DCC: variants seen among roughly 807,000 people sequenced by gnomAD.
DCC encodes the protein DCC netrin 1 receptor.
Under a neutral mutation model 172.5 loss-of-function variants are expected in DCC, and 58 were observed. That is an observed-to-expected ratio of 0.34 (90% CI 0.27 to 0.42). The LOEUF is 0.42. Among genes scored for constraint, DCC ranks in the 10% least tolerant of loss-of-function variants. DCC has a pLI of 1.00. For synonymous variants in DCC, 709 were observed against 644.5 expected (o/e 1.10, Z -1.52); for missense variants, 1,740 against 1,791.0 (o/e 0.97, Z 0.51).
At chr18:53,522,349 C>T (rs1247670711) in intron 27 of DCC, among the ~76,000 whole-genome samples, 1 of 151,742 alleles carries the variant, frequency 6.6e-6, no homozygotes, top group Non-Finnish European at 1.5e-5. Flanking sequence ...CCTGACATTA[C>T]AGTCCCTGTA....
chr18:52,569,681 C>A (rs576528482), intron 1 of DCC, among the ~76,000 whole-genome samples: 7 of 152,102 alleles, frequency 4.6e-5, no homozygotes, highest in Middle Eastern at 3.4e-3. Context: ...ACAATTCTGG[C>A]ATTATGCTAA....
At chr18:52,882,718 G>A (rs1019269643) in intron 2 of DCC, among the ~76,000 whole-genome samples, 10 of 152,214 alleles carry the variant, frequency 6.6e-5, no homozygotes, top group African/African-American at 2.4e-4. Context: ...CTGAGGAGAA[G>A]AATTTGTATT....
At chr18:52,859,279 C>T (rs550317788) in intron 2 of DCC, among the ~76,000 whole-genome samples, 2 of 152,218 alleles carry the variant, frequency 1.3e-5, no homozygotes, top group South Asian at 4.1e-4. Context: ...GTGGATTGAT[C>T]CTGTAGAGGC....
chr18:52,671,433 G>T (rs1481385675), intron 1 of DCC, among the ~76,000 whole-genome samples: 3 of 150,794 alleles, frequency 2.0e-5, no homozygotes, highest in Non-Finnish European at 4.4e-5. Flanking sequence ...TTTCCAATAT[G>T]CCTTTAAAAA....
At chr18:53,158,269 A>G (rs1272010251) in intron 8 of DCC, among the ~76,000 whole-genome samples, 1 of 152,234 alleles carries the variant, frequency 6.6e-6, no homozygotes, top group Non-Finnish European at 1.5e-5. Context: ...GGATATTACT[A>G]TTGACTAAGC....
intron 21 of DCC, among the ~76,000 whole-genome samples, chr18:53,423,444 G>A (rs1323152164): frequency 6.6e-6 from 1 of 152,064 alleles, no homozygotes; most frequent in Non-Finnish European, 1.5e-5. Context: ...CTTTCCTGGT[G>A]TCATGGCCAA....
At chr18:52,974,603 G>C (rs1302618542) in intron 5 of DCC, among the ~76,000 whole-genome samples, 1 of 152,210 alleles carries the variant, frequency 6.6e-6, no homozygotes, top group African/African-American at 2.4e-5. Context: ...GAGGCTCTGA[G>C]AATATATGAG....
At chr18:53,352,511 C>T (rs193181814) in intron 15 of DCC, among the ~76,000 whole-genome samples, 9 of 152,206 alleles carry the variant, frequency 5.9e-5, no homozygotes, top group Non-Finnish European at 1.2e-4. Flanking sequence ...GATGTTAGTG[C>T]ATCCACTCCA....
chr18:52,897,071 G>A (rs1303938812), intron 2 of DCC, among the ~76,000 whole-genome samples: 2 of 152,142 alleles, frequency 1.3e-5, no homozygotes, highest in African/African-American at 4.8e-5. Context: ...AATGCTCTTA[G>A]GTGAGATTAT....
intron 5 of DCC, among the ~76,000 whole-genome samples, chr18:52,991,262 A>T (rs899300917): frequency 1.3e-5 from 2 of 152,080 alleles, no homozygotes; most frequent in East Asian, 1.9e-4. Context: ...TTTTAAATTT[A>T]TCTTTTTTTG....
chr18:53,243,057 G>A (rs376368653), intron 12 of DCC, among the ~76,000 whole-genome samples: 13 of 152,170 alleles, frequency 8.5e-5, no homozygotes, highest in South Asian at 8.3e-4. Flanking sequence ...TTAACATGTT[G>A]AACTGATGTG....
At chr18:53,390,431 A>G (rs145697956) in intron 16 of DCC, among the ~76,000 whole-genome samples, 305 of 152,254 alleles carry the variant, frequency 2.0e-3, no homozygotes, top group Non-Finnish European at 3.2e-3. Flanking sequence ...CAGTCACTCC[A>G]CTTTAAACTA....
chr18:52,704,005 C>T (rs1478838812), intron 1 of DCC, among the ~76,000 whole-genome samples: 1 of 151,916 alleles, frequency 6.6e-6, no homozygotes, highest in Non-Finnish European at 1.5e-5. Flanking sequence ...TATTCTTATG[C>T]TGGGTCTCAG....
intron 2 of DCC, among the ~76,000 whole-genome samples, chr18:52,769,854 A>G (rs779345772): frequency 5.3e-5 from 8 of 152,230 alleles, no homozygotes; most frequent in Non-Finnish European, 1.0e-4. Flanking sequence ...GTCTTTCACC[A>G]TAATACTGTC....
At chr18:53,343,493 A>G (rs1226751860) in intron 15 of DCC, among the ~76,000 whole-genome samples, 1 of 151,854 alleles carries the variant, frequency 6.6e-6, no homozygotes, top group African/African-American at 2.4e-5. Context: ...TGAATTTCCT[A>G]TATAAATCCT....
At chr18:53,529,038 T>TCTCTCTCTCACA (rs1203799842) in intron 28 of DCC, among the ~76,000 whole-genome samples, 6 of 65,266 alleles carry the variant, frequency 9.2e-5, no homozygotes, top group Non-Finnish European at 1.2e-4. Context: ...TCTCTCTCTC[T>TCTCTCTCTCACA]CACACACACA....
At chr18:52,778,131 G>A (rs1352721143) in intron 2 of DCC, among the ~76,000 whole-genome samples, 2 of 152,166 alleles carry the variant, frequency 1.3e-5, no homozygotes, top group African/African-American at 4.8e-5. Flanking sequence ...AGTAAATAAT[G>A]TCTAAAGTTG....
chr18:52,915,683 CAT>C (rs1160535885), intron 3 of DCC, among the ~76,000 whole-genome samples: 2 of 151,590 alleles, frequency 1.3e-5, no homozygotes, highest in African/African-American at 4.9e-5. Flanking sequence ...AGTAATTGAA[CAT>C]ATTTAATTTT....
intron 5 of DCC, among the ~76,000 whole-genome samples, chr18:53,040,421 T>C (rs1369803150): frequency 6.6e-6 from 1 of 151,950 alleles, no homozygotes. Flanking sequence ...GAAAAGCATA[T>C]GGAAGTGGTG....
Sources: gnomAD v4.1 joint callset for allele counts (sites outside exome capture counted in the v4.1 genomes callset) on GRCh38, gnomAD v4.1.1 for gene constraint, MANE v1.5 for transcripts, NCBI Gene and HGNC (gene_info 2026-07-23, HGNC 2026-07-21) for gene names.